Variants in UGT2B15 observed in about 807,000 individuals in gnomAD.
UGT2B15 encodes the protein UDP glucuronosyltransferase family 2 member B15.
In UGT2B15, 36 loss-of-function variants were observed where a neutral mutation model predicts 45.9. That is an observed-to-expected ratio of 0.78 (90% CI 0.60 to 1.04). The LOEUF is 1.04. UGT2B15 is among the 50% of genes least tolerant of loss of function. The probability of loss-of-function intolerance (pLI) is 0.00; values close to 1 mark genes in which losing one functional copy is unlikely to be tolerated. For missense variants in UGT2B15, 617 were observed against 622.4 expected, an observed-to-expected ratio of 0.99 and a Z score of 0.09; for synonymous variants, 219 against 216.4, an observed-to-expected ratio of 1.01 and a Z score of -0.11.
rs558805559 is a variant in UGT2B15, at chr4:68,646,797, A to G, written c.*307T>C. 1.7e-5 allele frequency: 4 copies of G among 241,078 alleles called. No homozygotes were observed. In the East Asian group the frequency reaches 2.5e-4, roughly 15 times the overall value. The allele number at this position is 241,078 out of a possible 1,614,324, so 14.9% of individuals were successfully genotyped here. On this transcript the variant is annotated 3_prime_UTR_variant, in exon 6 of 6. Transcript: ENST00000338206. ...GGTACATGTGCACAACGTGCAGGTT[A>G]GCTACATATGTATACATGTGCCATG...
At chr4:68,649,481 T>C (rs1269382582) in intron 5 of UGT2B15, among the ~76,000 whole-genome samples, 2 of 151,742 alleles carry the variant, frequency 1.3e-5, no homozygotes, top group Admixed American at 6.6e-5. Context: ...GATTTCACCA[T>C]GTTGGCCAGG....
At chr4:68,655,025 T>G (rs1286943960) in intron 4 of UGT2B15, 70 bp downstream of exon 4, 4 of 1,516,680 alleles carry the variant, frequency 2.6e-6, no homozygotes, top group Non-Finnish European at 2.7e-6. Flanking sequence ...TATGTTTGTT[T>G]TATGTTGAAC....
At position 68,670,384 on chromosome 4, in the gene UGT2B15, T is replaced by C. The variant is rs779527968; in HGVS notation, c.235A>G (p.Thr79Ala). The stretch of plus-strand genomic sequence containing the variant: ...TCCAAATAATTTTTAGTTAAAGATG[T>C]AGGATAAACTTCTAATTTAATAGCA... The part of the protein sequence containing the change: ...SSAIKLEVYP[T>A]SLTKNYLEDS... Residue 79 changes from threonine (T) to alanine (A), a missense_variant, in exon 1 of 6, where the codon ACA (threonine) becomes GCA (alanine). Physicochemically the swap from Thr to Ala is moderately conservative, Grantham distance 58 (BLOSUM62 0). This residue lies in a region of UGT2B15 where 351 missense variants were observed against 342.1 expected (regional missense o/e 1.03). Transcript: ENST00000338206. 3.1e-6 allele frequency: 5 copies of C among 1,613,674 alleles called. No individual in the cohort carries two copies. Among genetic ancestry groups the C allele is most frequent in the South Asian group, 1.1e-5 (1 of 90,966 alleles).
intron 5 of UGT2B15, among the ~76,000 whole-genome samples, chr4:68,650,995 G>GTTTTT (rs376333738): frequency 1.7e-5 from 2 of 117,584 alleles, no homozygotes; most frequent in African/African-American, 3.3e-5. Context: ...TGATGGTGTT[G>GTTTTT]TTTTTTTTTT....
chr4:68,655,161 T>G lies in UGT2B15; in HGVS notation c.1027A>C (p.Lys343Gln), dbSNP rs755506837. 6.2e-7 allele frequency: 1 copy of G among 1,613,400 alleles called. No homozygotes were observed. Among genetic ancestry groups the G allele is most frequent in the Non-Finnish European group, 8.5e-7 (1 of 1,179,582 alleles). Residue 343 changes from lysine to glutamine, a missense_variant, in exon 4 of 6, where the codon AAG becomes CAG. Lys to Gln is a moderately conservative substitution (Grantham distance 53, BLOSUM62 1). Transcript: ENST00000338206. The stretch of plus-strand genomic sequence containing the variant: ...TTGGAACCTAAAGTATTTGGCTTCT[T>G]GCCATCAAATCTCCATAGAACCTGT... ...PQKVLWRFDG[K>Q]KPNTLGSNTR...
intron 5 of UGT2B15, among the ~76,000 whole-genome samples, chr4:68,650,271 C>T (rs1214564379): frequency 6.6e-6 from 1 of 151,660 alleles, no homozygotes; most frequent in Non-Finnish European, 1.5e-5. Flanking sequence ...AGATTTTAAG[C>T]CCCTCATGTA....
At chr4:68,669,835 C>T in intron 1 of UGT2B15, 60 bp downstream of exon 1, 7 of 1,535,802 alleles carry the variant, frequency 4.6e-6, no homozygotes, top group Middle Eastern at 1.8e-4. Context: ...TATATAAGCT[C>T]ACCTTCAAAG....
At chr4:68,665,558 A>G (rs1182665437) in intron 2 of UGT2B15, among the ~76,000 whole-genome samples, 2 of 152,164 alleles carry the variant, frequency 1.3e-5, no homozygotes, top group African/African-American at 4.8e-5. Flanking sequence ...TGAGTATATT[A>G]TAAAGGCAAT....
At position 68,657,377 on chromosome 4, in the gene UGT2B15, C is replaced by A. The variant is rs1313778885; in HGVS notation, c.1006-2195G>T. ...TTTGAGCCCTCTCAGAGGTCATACA[C>A]CTCTGGAGAGAGAAACTGAGACATG... On this transcript the variant is annotated intron_variant, in intron 3 of 5. Transcript: ENST00000338206. Among the ~76,000 whole-genome samples the A allele has an allele frequency of 4.3e-4, 65 of 152,270 alleles. 1 individual carries two copies. Among genetic ancestry groups the A allele is most frequent in the Non-Finnish European group, 4.4e-5 (3 of 68,028 alleles).
chr4:68,652,187 T>A (rs1257723826), intron 5 of UGT2B15, among the ~76,000 whole-genome samples: 1 of 152,018 alleles, frequency 6.6e-6, no homozygotes, highest in Non-Finnish European at 1.5e-5. Context: ...TCATGTACTG[T>A]CAGTGTATAG....
rs1340169991 is a variant in UGT2B15 at position 68,670,493 on chromosome 4, G to A, written c.126C>T (p.Ile42=). The stretch of plus-strand genomic sequence containing the variant: ...GACCCCTCTGAACAAGCTCTTCCAG[G>A]ATTGTCTTCATATTTATCCAATGGC... ...EYSHWINMKT[I]LEELVQRGHE... The change falls in exon 1 of 6, where the codon ATC becomes ATT. Residue 42 remains isoleucine, a synonymous_variant. Transcript: ENST00000338206. 1.1e-5 allele frequency: 18 copies of A among 1,614,018 alleles called. No homozygotes were observed. Among genetic ancestry groups the A allele is most frequent in the Non-Finnish European group, 1.4e-5 (17 of 1,179,982 alleles).
chr4:68,660,543 A>G (rs1732933057), intron 3 of UGT2B15, among the ~76,000 whole-genome samples: 1 of 151,744 alleles, frequency 6.6e-6, no homozygotes, highest in Admixed American at 6.6e-5. Flanking sequence ...CAGGCCAAGT[A>G]TAATAAAGCA....
intron 3 of UGT2B15, among the ~76,000 whole-genome samples, chr4:68,662,510 C>T (rs555976230): frequency 2.1e-5 from 3 of 144,332 alleles, no homozygotes; most frequent in East Asian, 4.2e-4. Flanking sequence ...TAGACCTATT[C>T]CAATACATGG....
intron 5 of UGT2B15, among the ~76,000 whole-genome samples, chr4:68,649,332 G>A (rs1732582699): frequency 7.7e-6 from 1 of 129,036 alleles, no homozygotes. Flanking sequence ...AGGCTTGAGT[G>A]CAATGGAGTG....
chr4:68,647,424 T>C, intron 5 of UGT2B15, 41 bp from the exon 6 acceptor site: 2 of 1,576,086 alleles, frequency 1.3e-6, no homozygotes, highest in Non-Finnish European at 1.7e-6. Context: ...AAAAGTAAAT[T>C]TATTGCTTAA....
At chr4:68,663,591 T>G (rs1469645210) in intron 2 of UGT2B15, among the ~76,000 whole-genome samples, 6 of 152,056 alleles carry the variant, frequency 3.9e-5, no homozygotes, top group Non-Finnish European at 8.8e-5. Flanking sequence ...GTTCAGTTCT[T>G]TTAGTTAGGA....
At chr4:68,666,744 ATATATATATTTT>A (rs1163317517) in intron 2 of UGT2B15, among the ~76,000 whole-genome samples, 1 of 75,174 alleles carries the variant, frequency 1.3e-5, no homozygotes, top group Non-Finnish European at 3.0e-5. Flanking sequence ...ATATATATAT[ATATATATATTTT>A]TTTTTTTTGA....
chr4:68,652,464 C>CT (rs1001369230), intron 5 of UGT2B15, among the ~76,000 whole-genome samples: 7 of 150,862 alleles, frequency 4.6e-5, no homozygotes, highest in Non-Finnish European at 7.4e-5. Context: ...TACTTTCTTA[C>CT]TTTTTTTGAA....
chr4:68,660,252 C>A (rs1436856304), intron 3 of UGT2B15, among the ~76,000 whole-genome samples: 3 of 150,454 alleles, frequency 2.0e-5, no homozygotes. Context: ...GGAAAACTGG[C>A]CTCATACCTT....
Sources: gnomAD v4.1 joint callset for allele counts (sites outside exome capture counted in the v4.1 genomes callset) on GRCh38, gnomAD v4.1.1 for gene constraint, gnomAD v4.1.1 regional missense constraint, MANE v1.5 for transcripts, NCBI Gene and HGNC (gene_info 2026-07-23, HGNC 2026-07-21) for gene names.